SLC22A14: variants seen among roughly 807,000 people sequenced by gnomAD.
SLC22A14 encodes the protein solute carrier family 22 member 14, also known as organic cation transporter-like 4.
In SLC22A14, 50 loss-of-function variants were observed where a neutral mutation model predicts 53.9. The observed-to-expected ratio is 0.93, with a 90% CI of 0.74 to 1.17. The LOEUF is 1.17. SLC22A14 is among the 50% of genes most tolerant of loss of function. SLC22A14 has a pLI of 0.00. For missense variants in SLC22A14, 671 were observed against 734.7 expected, an observed-to-expected ratio of 0.91 and a Z score of 1.00; for synonymous variants, 312 against 303.0, an observed-to-expected ratio of 1.03 and a Z score of -0.31.
Position 38,312,986 on chromosome 3 carries a change from G to A in SLC22A14, c.945-13G>A, listed in dbSNP as rs372475095. 2.0e-5 allele frequency: 32 copies of A among 1,573,246 alleles called. No homozygotes were observed. In the South Asian group the frequency reaches 3.3e-4, roughly 16 times the overall value. ...CATAGAACGGTGAGATAAGAGAGGG[G>A]CTGGCCACGCAGGATTCTCCCGGAG... On this transcript the variant is annotated splice_polypyrimidine_tract_variant and intron_variant, in intron 5 of 10. Transcript: ENST00000448498.
In SLC22A14 at chr3:38,307,501, G is replaced by C. The variant is rs1158651435; in HGVS notation, c.621-65G>C. 8.8e-6 allele frequency: 14 copies of C among 1,598,444 alleles called. No individual in the cohort carries two copies. Among genetic ancestry groups the C allele is most frequent in the African/African-American group, 1.3e-5 (1 of 74,614 alleles). The stretch of plus-strand genomic sequence containing the variant: ...GGATGGCTCAGGGCCTGGCCCAGGT[G>C]TATCCGGCTGGGGCCAGCCCGGGAG... On this transcript the variant is annotated intron_variant, in intron 3 of 10. Transcript: ENST00000448498. The surrounding 1 kb of genome is among the most constrained non-coding windows in gnomAD (Gnocchi z 4.4).
chr3:38,285,437 A>G (rs1380148432), intron 1 of SLC22A14, among the ~76,000 whole-genome samples: 1 of 152,160 alleles, frequency 6.6e-6, no homozygotes, highest in African/African-American at 2.4e-5. Flanking sequence ...CCCCTCAGAG[A>G]TGGTTTCCTG....
Position 38,307,757 on chromosome 3 carries a change from A to C in SLC22A14, c.775+37A>C, listed in dbSNP as rs1195795397. On this transcript the variant is annotated intron_variant, in intron 4 of 10. Coordinates refer to ENST00000448498, the MANE Select transcript of SLC22A14 (RefSeq NM_001320033.2). The surrounding 1 kb of genome is among the most constrained non-coding windows in gnomAD (Gnocchi z 4.4). ...CCTCAATGGGGCAGGGCAGGGTGGC[A>C]CAGGGGCATGGCGGCATAGGCGGGT... The C allele has an allele frequency of 6.2e-7, 1 of 1,611,032 alleles. No homozygotes were observed. Among genetic ancestry groups the C allele is most frequent in the Admixed American group, 1.7e-5 (1 of 59,932 alleles).
chr3:38,305,996 A>G, intron 1 of SLC22A14, 31 bp from the exon 2 acceptor site: 1 of 1,578,294 alleles, frequency 6.3e-7, no homozygotes. Flanking sequence ...TGGTGTCAGC[A>G]GAGACTGAGC....
intron 8 of SLC22A14, among the ~76,000 whole-genome samples, chr3:38,314,959 G>A (rs1704579324): frequency 6.6e-6 from 1 of 152,250 alleles, no homozygotes; most frequent in African/African-American, 2.4e-5. Flanking sequence ...GTAAGGCCGG[G>A]GCAGGGTCCT....
Position 38,316,427 on chromosome 3 carries a change from TGCG to T in SLC22A14, c.1637_1639del (p.Cys546_Val547delinsPhe). ...CTCCCTCCTGCCCATCTTTCTCTGCTGCGTCTTAGCCATCGTGGCCTTTTCCCT... is the reference window on the plus strand; with the variant it reads ...CTCCCTCCTGCCCATCTTTCTCTGCTTCTTAGCCATCGTGGCCTTTTCCCT... On this transcript the variant is annotated inframe_deletion, in exon 10 of 11. Transcript: ENST00000448498. 1 of 1,614,200 alleles carries T rather than the reference TGCG, an allele frequency of 6.2e-7. No homozygotes were observed. The highest frequency in any genetic ancestry group is 1.1e-5 in the South Asian group (1 of 91,074).
chr3:38,312,106 C>T (rs1704483813), intron 5 of SLC22A14, among the ~76,000 whole-genome samples: 1 of 152,086 alleles, frequency 6.6e-6, no homozygotes, highest in Non-Finnish European at 1.5e-5. Context: ...TTTATGGCAA[C>T]CAGCCAGAGT....
At chr3:38,280,084 G>T (rs529313779), upstream of SLC22A14, among the ~76,000 whole-genome samples, 1 of 152,122 alleles carries the variant, frequency 6.6e-6, no homozygotes, top group Non-Finnish European at 1.5e-5. Flanking sequence ...TTTCCACTGC[G>T]TGTTTCATAC....
chr3:38,305,629 T>A (rs1014007749), intron 1 of SLC22A14: 2 of 172,862 alleles, frequency 1.2e-5, no homozygotes, highest in Non-Finnish European at 2.5e-5. Context: ...CAGCCGACGA[T>A]GCAGATCTTT....
intron 7 of SLC22A14, 36 bp downstream of exon 7, chr3:38,313,521 C>T (rs1704531770): frequency 7.0e-7 from 1 of 1,438,644 alleles, no homozygotes; most frequent in Non-Finnish European, 9.8e-7. Flanking sequence ...GGACTGCGAA[C>T]AGGTGCGCAG....
At chr3:38,315,091 A>T (rs1704583018) in intron 8 of SLC22A14, among the ~76,000 whole-genome samples, 1 of 152,206 alleles carries the variant, frequency 6.6e-6, no homozygotes, top group Non-Finnish European at 1.5e-5. Flanking sequence ...ACATCCTGGA[A>T]TGTTTGGGAG....
chr3:38,299,719 C>T (rs1202297500), intron 1 of SLC22A14, among the ~76,000 whole-genome samples: 1 of 152,170 alleles, frequency 6.6e-6, no homozygotes, highest in African/African-American at 2.4e-5. Context: ...TGCATCACTA[C>T]ACCTGGTTAA....
chr3:38,282,741 G>T (rs988465390), intron 1 of SLC22A14, among the ~76,000 whole-genome samples: 1 of 152,110 alleles, frequency 6.6e-6, no homozygotes, highest in Non-Finnish European at 1.5e-5. Context: ...ATGCTGAAGC[G>T]GTCCCTGCAG....
Position 38,316,489 on chromosome 3 carries a change from CCT to C in SLC22A14, c.1702_1703del (p.Ser568ArgfsTer12), listed in dbSNP as rs773800378. On this transcript the variant is annotated frameshift_variant, in exon 10 of 11. Coordinates refer to ENST00000448498, the MANE Select transcript of SLC22A14 (RefSeq NM_001320033.2). LOFTEE classifies it low-confidence loss of function (END_TRUNC). Reference protein sequence around the residue: ...SLLPETRDQPLSESLNHSSQI... With the variant: ...SLLPETRDQPXSESLNHSSQI... ...TGCTGCCGGAAACGCGAGATCAGCC[CCT>C]CTCCGAGAGCCTGAACCACTCCTCA... 9.9e-6 allele frequency: 16 copies of C among 1,614,150 alleles called. No homozygotes were observed. The highest frequency in any genetic ancestry group is 1.3e-5 in the African/African-American group (1 of 75,040).
intron 1 of SLC22A14, among the ~76,000 whole-genome samples, chr3:38,284,238 C>T (rs1703738844): frequency 6.6e-6 from 1 of 152,208 alleles, no homozygotes; most frequent in Admixed American, 6.5e-5. Flanking sequence ...TCCGCCCTGT[C>T]CGATAGTAGA....
At chr3:38,318,091 C>T in intron 10 of SLC22A14, 107 bp from the exon 11 acceptor site, 2 of 1,000,428 alleles carry the variant, frequency 2.0e-6, no homozygotes, top group Non-Finnish European at 3.1e-6. Context: ...GAGAAAGCCT[C>T]ACCTCTTGGG....
At chr3:38,287,110 C>CGTGT (rs142227069) in intron 1 of SLC22A14, among the ~76,000 whole-genome samples, 1 of 150,274 alleles carries the variant, frequency 6.7e-6, no homozygotes, top group East Asian at 1.9e-4. Context: ...TGTGTGTGTG[C>CGTGT]GTGTGTGTGT....
At chr3:38,292,782 G>A (rs986232558) in intron 1 of SLC22A14, among the ~76,000 whole-genome samples, 5 of 152,138 alleles carry the variant, frequency 3.3e-5, no homozygotes, top group African/African-American at 1.2e-4. Flanking sequence ...ATGTTCGGGT[G>A]TGTAATGGCT....
At chr3:38,285,026 G>A (rs1703759607) in intron 1 of SLC22A14, among the ~76,000 whole-genome samples, 1 of 152,212 alleles carries the variant, frequency 6.6e-6, no homozygotes, top group Admixed American at 6.5e-5. Flanking sequence ...CAGAAAAGTT[G>A]TCTGGGGTAG....
Sources: gnomAD v4.1 joint callset for allele counts (sites outside exome capture counted in the v4.1 genomes callset) on GRCh38, gnomAD v4.1.1 for gene constraint, Gnocchi (gnomAD v3.1) non-coding constraint, MANE v1.5 for transcripts, NCBI Gene and HGNC (gene_info 2026-07-23, HGNC 2026-07-21) for gene names.